The following ZNF385D variants were observed in gnomAD, a reference collection of about 807,000 sequenced individuals.
The protein encoded by ZNF385D is zinc finger protein 659.
ZNF385D carries 15 observed loss-of-function variants against 35.8 expected under a neutral mutation model. That is an observed-to-expected ratio of 0.42 (90% CI 0.28 to 0.64). ZNF385D has a LOEUF of 0.64. Among genes scored for constraint, ZNF385D ranks in the 30% least tolerant of loss-of-function variants. ZNF385D has a pLI of 0.23. For synonymous variants in ZNF385D, 212 were observed against 186.8 expected (o/e 1.13, Z -1.10); for missense variants, 474 against 494.6 (o/e 0.96, Z 0.39).
intron 3 of ZNF385D, among the ~76,000 whole-genome samples, chr3:21,756,319 G>C (rs1236995949): frequency 6.6e-6 from 1 of 152,132 alleles, no homozygotes; most frequent in Non-Finnish European, 1.5e-5. Flanking sequence ...AAGTAGTGGA[G>C]TATTCACAAT....
At chr3:21,879,865 A>G (rs750540169) in intron 3 of ZNF385D, among the ~76,000 whole-genome samples, 5 of 151,942 alleles carry the variant, frequency 3.3e-5, no homozygotes, top group Non-Finnish European at 5.9e-5. Context: ...GGACAGTCAT[A>G]CTTTTTTAAT....
At chr3:21,492,670 G>A (rs902884502) in intron 4 of ZNF385D, among the ~76,000 whole-genome samples, 2 of 151,768 alleles carry the variant, frequency 1.3e-5, no homozygotes, top group African/African-American at 4.8e-5. Flanking sequence ...TATAGTCCCA[G>A]CTACTCGGGA....
intron 2 of ZNF385D, among the ~76,000 whole-genome samples, chr3:21,625,572 GAAGA>G (rs2065112966): frequency 6.6e-6 from 1 of 151,986 alleles, no homozygotes; most frequent in African/African-American, 2.4e-5. Context: ...GCTTACATTA[GAAGA>G]AAGAGTCTTA....
chr3:22,034,552 G>T (rs1396368380), intron 3 of ZNF385D, among the ~76,000 whole-genome samples: 1 of 152,038 alleles, frequency 6.6e-6, no homozygotes, highest in Non-Finnish European at 1.5e-5. Flanking sequence ...GAGGAAAAAA[G>T]AAATCAATTT....
At chr3:22,097,555 C>T (rs1576314572) in intron 3 of ZNF385D, among the ~76,000 whole-genome samples, 1 of 151,966 alleles carries the variant, frequency 6.6e-6, no homozygotes, top group East Asian at 1.9e-4. Flanking sequence ...AAGAGTTTTC[C>T]AAGAACATTG....
chr3:22,045,014 G>A (rs1046190390), intron 3 of ZNF385D, among the ~76,000 whole-genome samples: 2 of 151,858 alleles, frequency 1.3e-5, no homozygotes, highest in South Asian at 2.1e-4. Context: ...ACTCAATCTC[G>A]AAAAAACAAA....
At chr3:22,279,556 A>G (rs1309332806) in intron 2 of ZNF385D, among the ~76,000 whole-genome samples, 2 of 137,560 alleles carry the variant, frequency 1.5e-5, no homozygotes, top group East Asian at 2.0e-4. Context: ...ATACATATAC[A>G]TATGTACATA....
intron 2 of ZNF385D, among the ~76,000 whole-genome samples, chr3:22,273,304 G>T (rs758295934): frequency 6.6e-6 from 1 of 151,960 alleles, no homozygotes; most frequent in African/African-American, 2.4e-5. Flanking sequence ...CAGTAAACTA[G>T]TAACATGAAT....
In ZNF385D at chr3:22,128,431, C is replaced by T. The variant is rs554610089; in HGVS notation, c.325+40386G>A. ...TTGTAGCTGAATATTTAATATCTTT[C>T]TCTAGGTTTAGAAAGTTCTCTGTTG... On this transcript the variant is annotated intron_variant, in intron 3 of 5. Transcript: ENST00000494108. Among the ~76,000 whole-genome samples, 7 of 152,174 alleles carry T rather than the reference C, an allele frequency of 4.6e-5. No individual in the cohort carries two copies. The South Asian group carries it at 1.5e-3, about 32-fold the overall frequency.
intron 3 of ZNF385D, among the ~76,000 whole-genome samples, chr3:21,818,087 G>T (rs890212662): frequency 6.6e-6 from 1 of 151,028 alleles, no homozygotes; most frequent in Non-Finnish European, 1.5e-5. Context: ...GACAGAAAAC[G>T]AAACACCGCA....
intron 3 of ZNF385D, among the ~76,000 whole-genome samples, chr3:21,945,153 T>C (rs1387179103): frequency 7.1e-6 from 1 of 141,770 alleles, no homozygotes; most frequent in Non-Finnish European, 1.5e-5. Context: ...TGCATATATA[T>C]ATACACACAC....
intron 3 of ZNF385D, among the ~76,000 whole-genome samples, chr3:21,928,239 G>A (rs996048186): frequency 4.3e-5 from 6 of 139,266 alleles, no homozygotes; most frequent in African/African-American, 1.6e-4. Flanking sequence ...CGGACAGACG[G>A]AAGGAAGAAA....
chr3:21,889,363 G>C (rs1306700116), intron 3 of ZNF385D, among the ~76,000 whole-genome samples: 5 of 152,104 alleles, frequency 3.3e-5, no homozygotes, highest in Non-Finnish European at 7.4e-5. Flanking sequence ...AGACGACCTA[G>C]CCTGAATTAG....
chr3:21,573,650 A>C (rs1486579363), intron 2 of ZNF385D, among the ~76,000 whole-genome samples: 4 of 152,198 alleles, frequency 2.6e-5, no homozygotes, highest in Admixed American at 1.3e-4. Context: ...GCAGGGAAAG[A>C]AACAAAAACA....
intron 1 of ZNF385D, among the ~76,000 whole-genome samples, chr3:21,735,050 G>A (rs752832155): frequency 5.3e-5 from 8 of 152,068 alleles, no homozygotes; most frequent in South Asian, 2.1e-4. Flanking sequence ...TTTTAGGGCC[G>A]GGAGGGATCT....
intron 3 of ZNF385D, among the ~76,000 whole-genome samples, chr3:22,129,752 C>G (rs1408961817): frequency 1.3e-5 from 2 of 152,138 alleles, no homozygotes; most frequent in African/African-American, 2.4e-5. Flanking sequence ...CAAGGTGGGC[C>G]TAAAAACACT....
At chr3:21,618,725 A>G (rs1251754688) in intron 2 of ZNF385D, among the ~76,000 whole-genome samples, 4 of 152,182 alleles carry the variant, frequency 2.6e-5, no homozygotes, top group African/African-American at 9.7e-5. Context: ...AAAAAAGTCT[A>G]TCAGTTAAAG....
intron 1 of ZNF385D, among the ~76,000 whole-genome samples, chr3:21,682,502 A>G (rs1357538265): frequency 6.7e-6 from 1 of 150,330 alleles, no homozygotes; most frequent in Non-Finnish European, 1.5e-5. Context: ...AAGCCATCAG[A>G]GGACTGAAAG....
intron 3 of ZNF385D, among the ~76,000 whole-genome samples, chr3:21,824,167 T>C (rs888575502): frequency 6.6e-6 from 1 of 152,164 alleles, no homozygotes; most frequent in Non-Finnish European, 1.5e-5. Context: ...CATTATATCA[T>C]AGTAGAGTGC....
Sources: allele counts gnomAD v4.1 joint callset (sites outside exome capture counted in the v4.1 genomes callset), GRCh38; gene constraint gnomAD v4.1.1; transcripts MANE v1.5; gene names NCBI Gene and HGNC (gene_info 2026-07-23, HGNC 2026-07-21).